The following STK10 variants were observed in gnomAD, a reference collection of about 807,000 sequenced individuals.
STK10 encodes the protein serine/threonine-protein kinase 10.
Under a neutral mutation model 113.8 loss-of-function variants are expected in STK10, and 78 were observed. That is an observed-to-expected ratio of 0.69 (90% CI 0.57 to 0.83). The LOEUF is 0.83. Ranked by LOEUF, STK10 falls within the 40% of genes least tolerant of loss-of-function variation. The probability of loss-of-function intolerance (pLI) is 0.00; values close to 1 mark genes in which losing one functional copy is unlikely to be tolerated. For synonymous variants in STK10, 465 were observed against 494.7 expected (o/e 0.94, Z 0.80); for missense variants, 1,109 against 1,280.1 (o/e 0.87, Z 2.04).
chr5:172,145,092 T>A (rs1475674731), intron 2 of STK10, among the ~76,000 whole-genome samples: 2 of 152,212 alleles, frequency 1.3e-5, no homozygotes, highest in African/African-American at 4.8e-5. Context: ...TCTGTGCAGA[T>A]GCTAACCGGA....
At chr5:172,063,717 C>G (rs1022925923) in intron 13 of STK10, 2 of 152,214 alleles carry the variant, frequency 1.3e-5, no homozygotes, top group African/African-American at 4.8e-5. Flanking sequence ...AGGCCTCGAC[C>G]CCCTCCCTGA....
intron 12 of STK10, among the ~76,000 whole-genome samples, chr5:172,068,980 G>T (rs1167555950): frequency 6.6e-6 from 1 of 151,658 alleles, no homozygotes; most frequent in Non-Finnish European, 1.5e-5. Flanking sequence ...TTTACTTAAA[G>T]AATTACAATA....
chr5:172,152,692 T>C (rs542443699), intron 2 of STK10, among the ~76,000 whole-genome samples: 1 of 152,348 alleles, frequency 6.6e-6, no homozygotes, highest in African/African-American at 2.4e-5. Flanking sequence ...TTTAAGAATG[T>C]TGGAACAACT....
chr5:172,165,354 G>A (rs148414537), intron 1 of STK10, among the ~76,000 whole-genome samples: 46 of 152,342 alleles, frequency 3.0e-4, no homozygotes, highest in Admixed American at 6.5e-4. Context: ...GGTCCCATCT[G>A]TGACACTTGT....
intron 1 of STK10, among the ~76,000 whole-genome samples, chr5:172,172,686 A>C (rs1346398652): frequency 1.3e-5 from 2 of 152,234 alleles, no homozygotes; most frequent in Admixed American, 1.3e-4. Context: ...CCAGGTCAGA[A>C]GCCTCTGAAG....
At chr5:172,169,732 A>G (rs904853678) in intron 1 of STK10, among the ~76,000 whole-genome samples, 1 of 152,088 alleles carries the variant, frequency 6.6e-6, no homozygotes, top group Non-Finnish European at 1.5e-5. Flanking sequence ...CCTTCCTTCA[A>G]TCCTGTAGCC....
intron 12 of STK10, among the ~76,000 whole-genome samples, chr5:172,066,178 A>G (rs1768065405): frequency 1.3e-5 from 2 of 152,210 alleles, no homozygotes; most frequent in African/African-American, 2.4e-5. Context: ...AAGCCAAGAC[A>G]GGCTGTGTCT....
rs746763249 is a variant in STK10 at position 172,093,371 on chromosome 5, A to G, written c.1554+41T>C. 1.3e-6 allele frequency: 2 copies of G among 1,538,766 alleles called. No homozygotes were observed. The highest frequency in any genetic ancestry group is 2.3e-5 in the East Asian group (1 of 43,946). ...AAATGGAGCCACAGAACATCCTGCA[A>G]TGGTCTTGCTGCAAGCCCGTGGTGG... On this transcript the variant is annotated intron_variant, in intron 9 of 18. Transcript: ENST00000176763. This position sits in a 1 kb window ranked among gnomAD's most constrained non-coding sequence, Gnocchi z 4.1.
At chr5:172,096,400 C>A (rs763574261) in intron 8 of STK10, 26 bp downstream of exon 8, 57 of 1,608,384 alleles carry the variant, frequency 3.5e-5, no homozygotes, top group Non-Finnish European at 4.7e-5. Flanking sequence ...CCAGCCCCCG[C>A]TAAGCCCCAC....
At chr5:172,090,204 C>T in intron 10 of STK10, 28 bp downstream of exon 10, 3 of 1,612,566 alleles carry the variant, frequency 1.9e-6, no homozygotes, top group African/African-American at 1.3e-5. Flanking sequence ...ACCCTGTTAC[C>T]ACCATTGGTG....
At chr5:172,174,724 C>G (rs936450035) in intron 1 of STK10, among the ~76,000 whole-genome samples, 1 of 152,100 alleles carries the variant, frequency 6.6e-6, no homozygotes, top group Admixed American at 6.5e-5. Context: ...GAGTTGAGAC[C>G]CGGAGAATGA....
Position 172,044,951 on chromosome 5 carries a change from C to T in STK10, c.2838G>A (p.Glu946=), listed in dbSNP as rs766202702. The change falls in exon 19 of 19, where the codon GAG becomes GAA. Residue 946 remains glutamate, a synonymous_variant. Coordinates refer to ENST00000176763, the MANE Select transcript of STK10 (RefSeq NM_005990.4). The surrounding 1 kb of genome is among the most constrained non-coding windows in gnomAD (Gnocchi z 4.5). ...TGCTTGGGGTGGAGGGGTTTGGGCA[C>T]TCCGCCTCCTCGCTCAGCTTGAAGA... ...EMFFKLSEEA[E]CPNPSTPSKA... The T allele has an allele frequency of 6.2e-7, 1 of 1,614,080 alleles. No individual in the cohort carries two copies. Among genetic ancestry groups the T allele is most frequent in the Non-Finnish European group, 8.5e-7 (1 of 1,180,044 alleles).
At chr5:172,095,532 T>C (rs1414774030) in intron 8 of STK10, among the ~76,000 whole-genome samples, 1 of 152,238 alleles carries the variant, frequency 6.6e-6, no homozygotes, top group African/African-American at 2.4e-5. Context: ...TGGAGCTTGG[T>C]TACCCTGTGT....
rs188662374 is a variant in STK10, at chr5:172,075,457, T to C, written c.1989+6869A>G. ...TTTGGGAGGCCGAGGTGGGCGGATC[T>C]TCTGGGGTCAGGAGTTCAAGACCAT... is the stretch of plus-strand genomic sequence containing the variant. On this transcript the variant is annotated intron_variant, in intron 12 of 18. Coordinates refer to ENST00000176763, the MANE Select transcript of STK10 (RefSeq NM_005990.4). 3.0e-4 allele frequency among the ~76,000 whole-genome samples: 45 copies of C among 152,108 alleles called. 1 individual carries two copies. The highest frequency in any genetic ancestry group is 1.1e-3 in the African/African-American group (45 of 41,498).
At chr5:172,054,454 G>T in intron 17 of STK10, 115 bp downstream of exon 17, 3 of 1,460,016 alleles carry the variant, frequency 2.1e-6, no homozygotes, top group East Asian at 4.7e-5. Flanking sequence ...ATCCATCCCG[G>T]GCGTGTCTGA....
intron 1 of STK10, among the ~76,000 whole-genome samples, chr5:172,159,017 T>G (rs2113820475): frequency 6.6e-6 from 1 of 152,256 alleles, no homozygotes; most frequent in African/African-American, 2.4e-5. Context: ...ACACTTAAAA[T>G]TGGCCAAAAT....
intron 1 of STK10, among the ~76,000 whole-genome samples, chr5:172,184,675 A>C (rs1268765258): frequency 2.0e-5 from 3 of 152,126 alleles, no homozygotes; most frequent in Non-Finnish European, 4.4e-5. Flanking sequence ...TTTTTGAGAC[A>C]GAGTCTCCCT....
intron 2 of STK10, among the ~76,000 whole-genome samples, chr5:172,137,439 G>A (rs767049077): frequency 4.6e-5 from 7 of 151,942 alleles, no homozygotes; most frequent in African/African-American, 7.2e-5. Context: ...ACATTAACAC[G>A]ATGAAAGGAG....
At chr5:172,153,009 T>A (rs6865053) in intron 2 of STK10, among the ~76,000 whole-genome samples, 77,111 of 151,998 alleles carry the variant, frequency 0.51, 20,841 homozygotes, top group African/African-American at 0.71. Context: ...CATATAGGCC[T>A]GGTGCAGTGA....
Sources: allele counts gnomAD v4.1 joint callset (sites outside exome capture counted in the v4.1 genomes callset), GRCh38; gene constraint gnomAD v4.1.1; non-coding constraint Gnocchi (gnomAD v3.1); transcripts MANE v1.5; gene names NCBI Gene and HGNC (gene_info 2026-07-23, HGNC 2026-07-21).